Variants in RGS10 observed in about 807,000 individuals in gnomAD.
RGS10 encodes regulator of G protein signaling 10.
RGS10 carries 11 observed loss-of-function variants against 23.5 expected under a neutral mutation model. The observed-to-expected ratio is 0.47, with a 90% CI of 0.29 to 0.77. The LOEUF (loss-of-function observed/expected upper bound fraction) is 0.77. Ranked by LOEUF, RGS10 falls within the 30% of genes least tolerant of loss-of-function variation. The probability of loss-of-function intolerance (pLI) is 0.08; values close to 1 mark genes in which losing one functional copy is unlikely to be tolerated. For synonymous variants in RGS10, 77 were observed against 83.2 expected (o/e 0.92, Z 0.41); for missense variants, 180 against 226.3 (o/e 0.80, Z 1.31).
intron 4 of RGS10, among the ~76,000 whole-genome samples, chr10:119,502,577 G>C (rs1843964614): frequency 6.6e-6 from 1 of 152,154 alleles, no homozygotes; most frequent in South Asian, 2.1e-4. Flanking sequence ...GGCCGGTGCT[G>C]GGGGCACCCA....
At chr10:119,507,043 G>A (rs1239754114) in intron 4 of RGS10, among the ~76,000 whole-genome samples, 2 of 152,116 alleles carry the variant, frequency 1.3e-5, no homozygotes, top group South Asian at 2.1e-4. Context: ...AAAGTATCTC[G>A]AATACTGCCC....
chr10:119,519,328 G>A (rs1463391401), intron 3 of RGS10, among the ~76,000 whole-genome samples: 15 of 141,134 alleles, frequency 1.1e-4, no homozygotes, highest in East Asian at 2.1e-4. Flanking sequence ...CTGTCTCCCT[G>A]TCTGTCCCCA....
chr10:119,526,233 A>G, intron 2 of RGS10, 115 bp from the exon 3 acceptor site: 2 of 523,448 alleles, frequency 3.8e-6, no homozygotes, highest in Non-Finnish European at 6.6e-6. Flanking sequence ...AGCATGGTTC[A>G]GTTACTCTTC....
At chr10:119,536,085 G>C (rs1844384785) in intron 1 of RGS10, among the ~76,000 whole-genome samples, 1 of 152,150 alleles carries the variant, frequency 6.6e-6, no homozygotes, top group Non-Finnish European at 1.5e-5. Flanking sequence ...AGTGTTTATC[G>C]GCTCCAGTAT....
intron 4 of RGS10, among the ~76,000 whole-genome samples, chr10:119,504,199 T>C (rs1480041058): frequency 6.6e-6 from 1 of 152,262 alleles, no homozygotes; most frequent in Non-Finnish European, 1.5e-5. Flanking sequence ...TGTTGTTGTT[T>C]GCTTTTTTGA....
intron 2 of RGS10, among the ~76,000 whole-genome samples, chr10:119,526,545 G>A (rs950491941): frequency 6.6e-5 from 10 of 152,198 alleles, no homozygotes; most frequent in African/African-American, 2.4e-4. Flanking sequence ...TTTTAAGTTG[G>A]AGGTATGTGT....
rs751980891 is a variant in RGS10, at chr10:119,527,422, T to A, written c.52A>T (p.Ile18Phe). The A allele has an allele frequency of 3.1e-6, 5 of 1,613,760 alleles. No individual in the cohort carries two copies. Among genetic ancestry groups the A allele is most frequent in the Non-Finnish European group, 4.2e-6 (5 of 1,179,618 alleles). Residue 18 changes from isoleucine to phenylalanine, a missense_variant and splice_region_variant, in exon 2 of 5, where the codon ATC (isoleucine) becomes TTC (phenylalanine). Transcript: ENST00000369103. The surrounding 1 kb of genome is among the most constrained non-coding windows in gnomAD (Gnocchi z 4.2). ...CTGGAACTGCCATCGCTGTCGTGGA[T>A]GTCTGCAAAGCAAAGTTCAGACTGC... ...RLSRKRPPSDIHDSDGSSSSS... is the reference protein window; with the variant it reads ...RLSRKRPPSDFHDSDGSSSSS...
intron 1 of RGS10, among the ~76,000 whole-genome samples, chr10:119,540,022 C>T (rs1338422215): frequency 2.0e-5 from 3 of 151,986 alleles, no homozygotes; most frequent in African/African-American, 7.3e-5. Context: ...CTCAGTACCT[C>T]GGCCCACAGG....
chr10:119,531,854 A>G lies in RGS10; in HGVS notation c.50-4430T>C, dbSNP rs190058051. Among the ~76,000 whole-genome samples the G allele has an allele frequency of 3.1e-3, 479 of 152,302 alleles. 5 individuals carry two copies. Among genetic ancestry groups the G allele is most frequent in the African/African-American group, 0.011 (447 of 41,570 alleles). On this transcript the variant is annotated intron_variant, in intron 1 of 4. Coordinates refer to ENST00000369103, the MANE Select transcript of RGS10 (RefSeq NM_001005339.2). ...CTTCCATTCCATGGTCTCCTGGGCTAAGATCTCCCTTATATCATATGCCAT... is the reference window on the plus strand; with the variant it reads ...CTTCCATTCCATGGTCTCCTGGGCTGAGATCTCCCTTATATCATATGCCAT...
intron 4 of RGS10, among the ~76,000 whole-genome samples, chr10:119,503,383 G>T (rs974161612): frequency 1.3e-5 from 2 of 151,562 alleles, no homozygotes; most frequent in Admixed American, 6.6e-5. Context: ...TTTCTTCCAA[G>T]AAAGTGGCCA....
chr10:119,523,512 A>G (rs556846872), intron 3 of RGS10, among the ~76,000 whole-genome samples: 2 of 152,266 alleles, frequency 1.3e-5, no homozygotes, highest in Admixed American at 1.3e-4. Flanking sequence ...TCAAAATACA[A>G]AAATTAGCCA....
intron 4 of RGS10, among the ~76,000 whole-genome samples, chr10:119,501,552 G>A (rs3009903): frequency 0.15 from 23,511 of 151,764 alleles, 2,342 homozygotes; most frequent in East Asian, 0.39. Context: ...GTGAAACCCC[G>A]TCTCTACTAA....
chr10:119,520,049 C>G (rs1844195569), intron 3 of RGS10, among the ~76,000 whole-genome samples: 1 of 152,142 alleles, frequency 6.6e-6, no homozygotes, highest in Admixed American at 6.6e-5. Flanking sequence ...AAACTTCGAT[C>G]CCCTGTAGCC....
At position 119,526,722 on chromosome 10, in the gene RGS10, A is replaced by G. The variant is rs1203754555; in HGVS notation, c.168+584T>C. On this transcript the variant is annotated intron_variant, in intron 2 of 4. Coordinates refer to ENST00000369103, the MANE Select transcript of RGS10 (RefSeq NM_001005339.2). Reference sequence around the variant, plus strand: ...GGGAGCTCCAACAGGCACCAACTGCATGAGGACTCATCCTATTCCTGACCC... The same window carrying G: ...GGGAGCTCCAACAGGCACCAACTGCGTGAGGACTCATCCTATTCCTGACCC... Among the ~76,000 whole-genome samples, 4 of 152,190 alleles carry G rather than the reference A, an allele frequency of 2.6e-5. No homozygotes were observed. In the East Asian group the frequency reaches 5.8e-4, roughly 22 times the overall value.
chr10:119,500,225 C>T lies in RGS10; in HGVS notation c.434G>A (p.Arg145His), dbSNP rs774440149. The T allele has an allele frequency of 1.1e-5, 17 of 1,613,526 alleles. No homozygotes were observed. Among genetic ancestry groups the T allele is most frequent in the South Asian group, 2.2e-5 (2 of 90,932 alleles). The change falls in exon 5 of 5, where the codon CGC (arginine) becomes CAC (histidine). Residue 145 changes from arginine to histidine, a missense_variant. Transcript: ENST00000369103. The stretch of plus-strand genomic sequence containing the variant: ...TAAAAACAAGTCAGACTTTAAGAAG[C>T]GGCTGTAGCTGTCGTACTTCATGAG... Reference protein sequence around the residue: ...FNLMKYDSYSRFLKSDLFLKH... With the variant: ...FNLMKYDSYSHFLKSDLFLKH...
At position 119,499,908 on chromosome 10, in the gene RGS10, C is replaced by T. The variant is rs770723645; in HGVS notation, c.*205G>A. On this transcript the variant is annotated 3_prime_UTR_variant, in exon 5 of 5. Coordinates refer to ENST00000369103, the MANE Select transcript of RGS10 (RefSeq NM_001005339.2). Reference sequence around the variant, plus strand: ...GGAATCTCTGTTTTGTAAACTAAAACTTCCAAGTTATTATTATTCTTTTTT... The same window carrying T: ...GGAATCTCTGTTTTGTAAACTAAAATTTCCAAGTTATTATTATTCTTTTTT... 32 of 516,524 alleles carry T rather than the reference C, an allele frequency of 6.2e-5. No individual in the cohort carries two copies. The highest frequency in any genetic ancestry group is 1.9e-4 in the Admixed American group (5 of 26,788). 32.0% of individuals were successfully genotyped at this position (516,524 alleles called of 1,614,324 possible).
At chr10:119,518,451 T>C (rs1452543914) in intron 3 of RGS10, among the ~76,000 whole-genome samples, 1 of 152,182 alleles carries the variant, frequency 6.6e-6, no homozygotes, top group Non-Finnish European at 1.5e-5. Flanking sequence ...GTGACAATGC[T>C]CAGCCAGACG....
rs569272519 is a variant in RGS10 at position 119,500,011 on chromosome 10, C to T, written c.*102G>A. 5.5e-4 allele frequency: 691 copies of T among 1,263,388 alleles called. 10 individuals carry two copies. The South Asian group carries it at 9.7e-3, about 18-fold the overall frequency. 78.3% of individuals were successfully genotyped at this position (1,263,388 alleles called of 1,614,324 possible). On this transcript the variant is annotated 3_prime_UTR_variant, in exon 5 of 5. Transcript: ENST00000369103. ...ACACATCCCATTGAAGGGTTTTGTACATTTCAGTCCTTACAAATAACAAAG... is the reference window on the plus strand; with the variant it reads ...ACACATCCCATTGAAGGGTTTTGTATATTTCAGTCCTTACAAATAACAAAG...
At chr10:119,508,017 GAC>G (rs1844034875) in intron 4 of RGS10, among the ~76,000 whole-genome samples, 1 of 151,956 alleles carries the variant, frequency 6.6e-6, no homozygotes, top group African/African-American at 2.4e-5. Flanking sequence ...TTTATTTTGA[GAC>G]AGAGTTTCGC....
Sources: allele counts gnomAD v4.1 joint callset (sites outside exome capture counted in the v4.1 genomes callset), GRCh38; gene constraint gnomAD v4.1.1; non-coding constraint Gnocchi (gnomAD v3.1); transcripts MANE v1.5; gene names NCBI Gene and HGNC (gene_info 2026-07-23, HGNC 2026-07-21).